Variants in RHOA observed in about 807,000 individuals in gnomAD.
RHOA encodes the protein transforming protein RhoA.
A neutral mutation model predicts 17.5 loss-of-function variants in RHOA; 3 were observed. The ratio of observed to expected loss-of-function variants is 0.17; its 90% CI spans 0.08 to 0.44. RHOA has a LOEUF of 0.44. Ranked by LOEUF, RHOA falls within the 20% of genes least tolerant of loss-of-function variation. The pLI is 0.99. For synonymous variants in RHOA, 98 were observed against 88.4 expected (o/e 1.11, Z -0.61); for missense variants, 56 against 242.3 (o/e 0.23, Z 5.10).
At chr3:49,409,994 G>A (rs1053155305) in intron 1 of RHOA, among the ~76,000 whole-genome samples, 5 of 152,110 alleles carry the variant, frequency 3.3e-5, no homozygotes, top group African/African-American at 1.2e-4. Context: ...GCCAACCAGG[G>A]ACCCTCGTAC....
At chr3:49,407,548 A>G (rs932686365) in intron 1 of RHOA, among the ~76,000 whole-genome samples, 4 of 152,034 alleles carry the variant, frequency 2.6e-5, no homozygotes, top group Admixed American at 1.3e-4. Flanking sequence ...ATTCCTTTTT[A>G]TATTTGTCCA....
chr3:49,390,366 T>C (rs2048478335), intron 1 of RHOA, among the ~76,000 whole-genome samples: 1 of 151,972 alleles, frequency 6.6e-6, no homozygotes, highest in Admixed American at 6.6e-5. Flanking sequence ...CCTGACCTTG[T>C]GATCCACCTG....
chr3:49,391,845 TGA>T, intron 1 of RHOA, among the ~76,000 whole-genome samples: 1 of 124,264 alleles, frequency 8.0e-6, no homozygotes, highest in Non-Finnish European at 1.7e-5. Flanking sequence ...TTTTTTTTTT[TGA>T]GACAGCGTTT....
At chr3:49,390,155 G>A (rs920270645) in intron 1 of RHOA, among the ~76,000 whole-genome samples, 1 of 150,426 alleles carries the variant, frequency 6.6e-6, no homozygotes, top group Non-Finnish European at 1.5e-5. Context: ...TTTTCTTTAA[G>A]ATGGAGTCTC....
rs9609 is a variant in RHOA, at chr3:49,359,397, C to T, written c.*812G>A. 5.3e-6 allele frequency: 1 copy of T among 187,520 alleles called. No individual in the cohort carries two copies. The highest frequency in any genetic ancestry group is 8.6e-5 in the East Asian group (1 of 11,572). The allele number at this position is 187,520 out of a possible 1,614,324, so 11.6% of individuals were successfully genotyped here. On this transcript the variant is annotated 3_prime_UTR_variant, in exon 5 of 5. Coordinates refer to ENST00000418115, the MANE Select transcript of RHOA (RefSeq NM_001664.4). ...CAGGCGTGAAACCAATTCCTATTTA[C>T]TTAGCCCAGCTCCATGGGGTACTGA...
rs1276286765 is a variant in RHOA, at chr3:49,362,505, C to T, written c.399G>A (p.Lys133=). 6.2e-7 allele frequency: 1 copy of T among 1,611,236 alleles called. No individual in the cohort carries two copies. The highest frequency in any genetic ancestry group is 1.1e-5 in the South Asian group (1 of 90,470). The stretch of plus-strand genomic sequence containing the variant: ...CTGCCCCAGATCATGCCTGCTTCAT[C>T]TTGGCTAGCTCCCGCCTTGTGTGCT... ...NDEHTRRELA[K]MKQEPVKPEE... The change falls in exon 4 of 5, where the codon AAG becomes AAA. Residue 133 remains lysine, a synonymous_variant. Transcript: ENST00000418115.
chr3:49,383,346 G>C lies in RHOA; in HGVS notation c.-2-7755C>G, dbSNP rs2048347588. 3.3e-5 allele frequency among the ~76,000 whole-genome samples: 5 copies of C among 150,240 alleles called. No individual in the cohort carries two copies. The South Asian group carries it at 8.4e-4, about 25-fold the overall frequency. On this transcript the variant is annotated intron_variant, in intron 1 of 4. Coordinates refer to ENST00000418115, the MANE Select transcript of RHOA (RefSeq NM_001664.4). Reference sequence around the variant, plus strand: ...GAGGCAGGAGAATGGCGTGAACCCGGAAGGTGGAGCTTGCAGTGAGCTGAG... The same window carrying C: ...GAGGCAGGAGAATGGCGTGAACCCGCAAGGTGGAGCTTGCAGTGAGCTGAG...
intron 1 of RHOA, among the ~76,000 whole-genome samples, chr3:49,393,511 G>A (rs2048547495): frequency 2.0e-5 from 3 of 151,648 alleles, no homozygotes; most frequent in Non-Finnish European, 2.9e-5. Flanking sequence ...TGGGCCAGAC[G>A]GGTCTCCAAC....
At chr3:49,380,548 T>C (rs2048298936) in intron 1 of RHOA, among the ~76,000 whole-genome samples, 1 of 151,800 alleles carries the variant, frequency 6.6e-6, no homozygotes, top group Admixed American at 6.6e-5. Flanking sequence ...CTATTAAAAA[T>C]ATTAAAATTA....
Position 49,375,323 on chromosome 3 carries a change from A to T in RHOA, c.156+111T>A. ...GGATGAGAATGGATTCTTCTTTCCA[A>T]CATTTTTGTTATATGGTATACTGAA... On this transcript the variant is annotated intron_variant, in intron 2 of 4. Transcript: ENST00000418115. 3.0e-6 allele frequency: 3 copies of T among 1,015,286 alleles called. No homozygotes were observed. The Admixed American group carries it at 8.1e-5, about 27-fold the overall frequency. The allele number at this position is 1,015,286 out of a possible 1,614,324, so 62.9% of individuals were successfully genotyped here.
chr3:49,396,651 G>A (rs1337294275), intron 1 of RHOA, among the ~76,000 whole-genome samples: 2 of 152,050 alleles, frequency 1.3e-5, no homozygotes, highest in Non-Finnish European at 2.9e-5. Flanking sequence ...AGGTGTCAGT[G>A]AGCCAAAATC....
intron 1 of RHOA, among the ~76,000 whole-genome samples, chr3:49,403,542 C>T (rs956922868): frequency 6.6e-6 from 1 of 151,066 alleles, no homozygotes; most frequent in South Asian, 2.1e-4. Flanking sequence ...AGTGAGACCC[C>T]TCTCTCTACA....
At chr3:49,375,325 AT>A in intron 2 of RHOA, 108 bp downstream of exon 2, 2 of 1,019,596 alleles carry the variant, frequency 2.0e-6, no homozygotes, top group Non-Finnish European at 2.8e-6. Context: ...TCTTTCCAAC[AT>A]TTTTGTTATA....
chr3:49,396,998 C>T (rs538821117), intron 1 of RHOA, among the ~76,000 whole-genome samples: 1 of 151,962 alleles, frequency 6.6e-6, no homozygotes, highest in South Asian at 2.1e-4. Context: ...GGCGTGGTAG[C>T]ATATACCTGT....
chr3:49,374,528 G>A (rs1559501201), intron 2 of RHOA, among the ~76,000 whole-genome samples: 2 of 152,056 alleles, frequency 1.3e-5, no homozygotes, highest in Non-Finnish European at 2.9e-5. Flanking sequence ...AGACCAGCCT[G>A]GCCAACATGG....
intron 1 of RHOA, among the ~76,000 whole-genome samples, chr3:49,382,827 G>A (rs1166454331): frequency 6.6e-6 from 1 of 151,992 alleles, no homozygotes; most frequent in Non-Finnish European, 1.5e-5. Flanking sequence ...TTGAGAGGTG[G>A]GTGGATCACC....
At chr3:49,396,773 G>A (rs955363934) in intron 1 of RHOA, among the ~76,000 whole-genome samples, 1 of 151,940 alleles carries the variant, frequency 6.6e-6, no homozygotes, top group African/African-American at 2.4e-5. Context: ...AACTGCTTAA[G>A]CACGAGTTCA....
intron 2 of RHOA, among the ~76,000 whole-genome samples, chr3:49,369,422 C>A (rs1288930774): frequency 1.3e-5 from 2 of 151,956 alleles, no homozygotes; most frequent in Middle Eastern, 3.4e-3. Flanking sequence ...CCCACCTCTA[C>A]AAAAACACCT....
chr3:49,404,011 T>C (rs148836317), intron 1 of RHOA, among the ~76,000 whole-genome samples: 1 of 146,800 alleles, frequency 6.8e-6, no homozygotes. Flanking sequence ...TAGTGAAAGT[T>C]GAAGATAGCT....
Sources: gnomAD v4.1 joint callset for allele counts (sites outside exome capture counted in the v4.1 genomes callset) on GRCh38, gnomAD v4.1.1 for gene constraint, MANE v1.5 for transcripts, NCBI Gene and HGNC (gene_info 2026-07-23, HGNC 2026-07-21) for gene names.